The following TMEM132D variants were observed in gnomAD, a reference collection of about 807,000 sequenced individuals.
The protein encoded by TMEM132D is mature OL transmembrane protein.
A neutral mutation model predicts 62.3 loss-of-function variants in TMEM132D; 21 were observed. That is an observed-to-expected ratio of 0.34 (90% CI 0.24 to 0.49). The LOEUF (loss-of-function observed/expected upper bound fraction) is 0.49. TMEM132D is among the 20% of genes least tolerant of loss of function. TMEM132D has a pLI of 0.99. For missense variants in TMEM132D, 1,346 were observed against 1,402.8 expected, an observed-to-expected ratio of 0.96 and a Z score of 0.65; for synonymous variants, 621 against 575.6, an observed-to-expected ratio of 1.08 and a Z score of -1.13.
chr12:129,306,630 G>A (rs1881852189), intron 4 of TMEM132D, among the ~76,000 whole-genome samples: 1 of 152,162 alleles, frequency 6.6e-6, no homozygotes, highest in Admixed American at 6.5e-5. Flanking sequence ...CTCCTATGTG[G>A]CAAATGATCA....
At chr12:129,893,715 A>G (rs1208841185) in intron 1 of TMEM132D, among the ~76,000 whole-genome samples, 1 of 152,226 alleles carries the variant, frequency 6.6e-6, no homozygotes, top group East Asian at 1.9e-4. Context: ...TCCATTGCCA[A>G]TGCAATATGG....
At chr12:129,135,517 A>G (rs976207180) in intron 5 of TMEM132D, among the ~76,000 whole-genome samples, 5 of 152,232 alleles carry the variant, frequency 3.3e-5, no homozygotes, top group African/African-American at 1.2e-4. Context: ...TGGGTGATGC[A>G]TAAGTGCATA....
chr12:129,196,803 G>T (rs534765288), intron 5 of TMEM132D, among the ~76,000 whole-genome samples: 3 of 152,104 alleles, frequency 2.0e-5, no homozygotes, highest in Non-Finnish European at 4.4e-5. Context: ...AAAATTTCCA[G>T]GAATTGATAT....
chr12:129,303,956 T>TCCA, intron 4 of TMEM132D, among the ~76,000 whole-genome samples: 1 of 152,190 alleles, frequency 6.6e-6, no homozygotes, highest in East Asian at 1.9e-4. Context: ...TCACCCTGCC[T>TCCA]CCACCTTTGT....
intron 3 of TMEM132D, among the ~76,000 whole-genome samples, chr12:129,427,304 G>A (rs1566065191): frequency 6.6e-6 from 1 of 151,308 alleles, no homozygotes; most frequent in Non-Finnish European, 1.5e-5. Context: ...CAATGCTAAG[G>A]ACGCATCAAG....
intron 1 of TMEM132D, among the ~76,000 whole-genome samples, chr12:129,787,265 A>G (rs907073737): frequency 3.9e-5 from 6 of 152,222 alleles, no homozygotes; most frequent in Non-Finnish European, 1.5e-5. Flanking sequence ...AGGAGGAAAG[A>G]GAGACTAAAG....
intron 3 of TMEM132D, among the ~76,000 whole-genome samples, chr12:129,418,102 A>G (rs369881067): frequency 7.0e-4 from 106 of 152,288 alleles, no homozygotes; most frequent in African/African-American, 2.5e-3. Context: ...CTGTTGGTGG[A>G]ACTGTAAATT....
intron 1 of TMEM132D, among the ~76,000 whole-genome samples, chr12:129,792,743 A>G (rs1217732853): frequency 6.6e-6 from 1 of 152,222 alleles, no homozygotes; most frequent in African/African-American, 2.4e-5. Context: ...AAAGTTCTTT[A>G]AGAAGTAAGT....
At chr12:129,799,726 G>C (rs554565529) in intron 1 of TMEM132D, among the ~76,000 whole-genome samples, 1 of 152,262 alleles carries the variant, frequency 6.6e-6, no homozygotes, top group Non-Finnish European at 1.5e-5. Flanking sequence ...GAATCTACAG[G>C]CTTTGGTACT....
At chr12:129,102,232 C>A (rs1040046333) in intron 5 of TMEM132D, among the ~76,000 whole-genome samples, 1 of 152,148 alleles carries the variant, frequency 6.6e-6, no homozygotes, top group Admixed American at 6.5e-5. Flanking sequence ...ATGAGTCTTG[C>A]GTACGCAGAG....
chr12:129,590,207 A>G (rs1445883541), intron 2 of TMEM132D, among the ~76,000 whole-genome samples: 1 of 152,156 alleles, frequency 6.6e-6, no homozygotes, highest in Non-Finnish European at 1.5e-5. Context: ...GTGTTTCTCC[A>G]GGTGCCGTCT....
chr12:129,824,343 A>T (rs960209513), intron 1 of TMEM132D, among the ~76,000 whole-genome samples: 5 of 152,158 alleles, frequency 3.3e-5, no homozygotes, highest in Non-Finnish European at 5.9e-5. Context: ...AAAAATGTTT[A>T]TTATGGCTAG....
At position 129,074,687 on chromosome 12, in the gene TMEM132D, G is replaced by A. The variant is rs755096277; in HGVS notation, c.2488C>T (p.Pro830Ser). ...TCCTGACTCCCCCATTCCTGCGAGGGTTTTTTGGGCCTTCTGTCACTGACA... is the reference window on the plus strand; with the variant it reads ...TCCTGACTCCCCCATTCCTGCGAGGATTTTTTGGGCCTTCTGTCACTGACA... ...NNVSDRRPKK[P>S]SQEWGSQEGQ... Residue 830 changes from proline (P) to serine (S), a missense_variant, in exon 9 of 9, where the codon CCC becomes TCC. By Grantham distance (74) the Pro-to-Ser change is moderately conservative. Coordinates refer to ENST00000422113, the MANE Select transcript of TMEM132D (RefSeq NM_133448.3). The A allele has an allele frequency of 3.7e-6, 6 of 1,613,948 alleles. 1 individual carries two copies. The highest frequency in any genetic ancestry group is 2.7e-5 in the African/African-American group (2 of 74,868).
intron 1 of TMEM132D, among the ~76,000 whole-genome samples, chr12:129,831,032 C>A (rs1476369968): frequency 6.6e-6 from 1 of 152,136 alleles, no homozygotes; most frequent in East Asian, 1.9e-4. Flanking sequence ...CACAGGCAGG[C>A]TCTCTCTTTC....
At chr12:129,835,590 C>T (rs1261005949) in intron 1 of TMEM132D, among the ~76,000 whole-genome samples, 2 of 152,160 alleles carry the variant, frequency 1.3e-5, no homozygotes, top group East Asian at 3.8e-4. Flanking sequence ...CACACCGAGC[C>T]TGTGCATGAG....
At chr12:129,584,505 G>T (rs79006285) in intron 2 of TMEM132D, among the ~76,000 whole-genome samples, 2,794 of 152,202 alleles carry the variant, frequency 0.018, 131 homozygotes, top group East Asian at 0.14. Flanking sequence ...TTGACTTTAG[G>T]CTCAGCCATG....
At chr12:129,358,749 T>G (rs1870154100) in intron 3 of TMEM132D, among the ~76,000 whole-genome samples, 1 of 152,198 alleles carries the variant, frequency 6.6e-6, no homozygotes, top group African/African-American at 2.4e-5. Context: ...GAGGAGACCA[T>G]GCTTGGGATG....
At chr12:129,839,673 T>C (rs1873122238) in intron 1 of TMEM132D, among the ~76,000 whole-genome samples, 1 of 152,120 alleles carries the variant, frequency 6.6e-6, no homozygotes, top group Admixed American at 6.5e-5. Context: ...TATATGAATA[T>C]AAGGAGAGCT....
intron 2 of TMEM132D, among the ~76,000 whole-genome samples, chr12:129,625,878 T>C (rs1260062360): frequency 1.3e-4 from 20 of 152,240 alleles, no homozygotes; most frequent in Admixed American, 1.3e-3. Flanking sequence ...TTACTGTTGA[T>C]GGCTGCTGTC....
Sources: allele counts gnomAD v4.1 joint callset (sites outside exome capture counted in the v4.1 genomes callset), GRCh38; gene constraint gnomAD v4.1.1; transcripts MANE v1.5; gene names NCBI Gene and HGNC (gene_info 2026-07-23, HGNC 2026-07-21).